Variants in GPATCH2 observed in about 807,000 individuals in gnomAD.
The protein encoded by GPATCH2 is G patch domain-containing protein 2.
GPATCH2 carries 51 observed loss-of-function variants against 58.0 expected under a neutral mutation model. That is an observed-to-expected ratio of 0.88 (90% CI 0.70 to 1.11). The LOEUF (loss-of-function observed/expected upper bound fraction) is 1.11. GPATCH2 is among the 50% of genes most tolerant of loss of function. GPATCH2 has a pLI of 0.00. For synonymous variants in GPATCH2, 222 were observed against 218.5 expected (o/e 1.02, Z -0.14); for missense variants, 625 against 652.2 (o/e 0.96, Z 0.45).
At chr1:217,604,402 G>A (rs764869613) in intron 5 of GPATCH2, among the ~76,000 whole-genome samples, 7 of 151,074 alleles carry the variant, frequency 4.6e-5, no homozygotes, top group Non-Finnish European at 7.4e-5. Flanking sequence ...AACTGATTTT[G>A]AAATAAGATA....
chr1:217,503,323 G>A (rs1662394772), intron 6 of GPATCH2, among the ~76,000 whole-genome samples: 1 of 152,100 alleles, frequency 6.6e-6, no homozygotes, highest in African/African-American at 2.4e-5. Context: ...TATCATGGTA[G>A]GATGGAGCAG....
At chr1:217,475,592 A>T (rs1189850680) in intron 8 of GPATCH2, among the ~76,000 whole-genome samples, 3 of 152,156 alleles carry the variant, frequency 2.0e-5, no homozygotes, top group Admixed American at 6.5e-5. Flanking sequence ...TACTACATAA[A>T]AGAAAAGTGT....
chr1:217,604,754 G>A (rs1668276266), intron 5 of GPATCH2, among the ~76,000 whole-genome samples: 1 of 152,154 alleles, frequency 6.6e-6, no homozygotes, highest in Non-Finnish European at 1.5e-5. Flanking sequence ...GGCCTAGTGT[G>A]ATGGATCATG....
At chr1:217,496,388 C>G (rs1662007788) in intron 7 of GPATCH2, among the ~76,000 whole-genome samples, 2 of 152,168 alleles carry the variant, frequency 1.3e-5, no homozygotes, top group South Asian at 4.1e-4. Context: ...GTTTCAAGCT[C>G]TCATAGTATA....
rs539257472 is a variant in GPATCH2, at chr1:217,530,473, A to T, written c.1099-15584T>A. 1.4e-4 allele frequency among the ~76,000 whole-genome samples: 22 copies of T among 152,316 alleles called. No homozygotes were observed. In the South Asian group the frequency reaches 4.6e-3, roughly 32 times the overall value. ...ACAGTCTAATGCAAAGTACAATCTC[A>T]ATAATAAGATGACAATAAATGTTAC... On this transcript the variant is annotated intron_variant, in intron 5 of 9. Coordinates refer to ENST00000366935, the MANE Select transcript of GPATCH2 (RefSeq NM_018040.5).
At chr1:217,615,110 T>C (rs1478844113) in intron 2 of GPATCH2, among the ~76,000 whole-genome samples, 1 of 152,058 alleles carries the variant, frequency 6.6e-6, no homozygotes, top group African/African-American at 2.4e-5. Context: ...AAATACTTTT[T>C]CCATTAATAT....
chr1:217,468,558 CACACAGAG>C (rs1291594303), intron 8 of GPATCH2, among the ~76,000 whole-genome samples: 24 of 110,594 alleles, frequency 2.2e-4, no homozygotes, highest in Non-Finnish European at 2.4e-4. Flanking sequence ...CACACACACA[CACACAGAG>C]AGAAAGAGAA....
At chr1:217,607,847 T>C (rs184164289) in intron 5 of GPATCH2, among the ~76,000 whole-genome samples, 7 of 152,350 alleles carry the variant, frequency 4.6e-5, no homozygotes, top group Admixed American at 4.6e-4. Flanking sequence ...TCAAAGATAC[T>C]ACATCATTAT....
chr1:217,459,223 C>G (rs1004180388), intron 8 of GPATCH2, among the ~76,000 whole-genome samples: 5 of 152,134 alleles, frequency 3.3e-5, no homozygotes, highest in Non-Finnish European at 1.5e-5. Context: ...CTAAACTAAA[C>G]AGAAGGGTAA....
intron 5 of GPATCH2, among the ~76,000 whole-genome samples, chr1:217,557,337 G>A (rs1373082346): frequency 1.3e-5 from 2 of 150,814 alleles, no homozygotes; most frequent in Non-Finnish European, 2.9e-5. Flanking sequence ...AACCCAGGAG[G>A]TGGAGGTTGC....
chr1:217,527,290 G>C (rs1285357618), intron 5 of GPATCH2, among the ~76,000 whole-genome samples: 1 of 152,098 alleles, frequency 6.6e-6, no homozygotes, highest in Non-Finnish European at 1.5e-5. Context: ...GAAAGCACTG[G>C]TTTATAAAGT....
At chr1:217,517,447 GAACAA>G (rs1375625984) in intron 5 of GPATCH2, among the ~76,000 whole-genome samples, 2 of 151,908 alleles carry the variant, frequency 1.3e-5, no homozygotes, top group African/African-American at 4.8e-5. Flanking sequence ...TAAAATTTGA[GAACAA>G]TATATTTAAT....
Position 217,463,641 on chromosome 1 carries a change from CAAAAAAAAA to C in GPATCH2, c.1278-14313_1278-14305del, listed in dbSNP as rs201402598. On this transcript the variant is annotated intron_variant, in intron 8 of 9. Coordinates refer to ENST00000366935, the MANE Select transcript of GPATCH2 (RefSeq NM_018040.5). ...GCAACATAGCAAGAACTTATCACTC[CAAAAAAAAA>C]AAAAAAAAAAAAAAAAAAAAAAAAG... 5.3e-3 allele frequency among the ~76,000 whole-genome samples: 434 copies of C among 82,342 alleles called. 1 individual carries two copies. Among genetic ancestry groups the C allele is most frequent in the African/African-American group, 0.027 (405 of 14,768 alleles). 54.0% of individuals were successfully genotyped at this position (82,342 alleles called of 152,430 possible). A position where few individuals can be genotyped will look rare whatever the true frequency, so the allele number is the denominator to read the frequency against.
chr1:217,428,070 A>C lies in GPATCH2; in HGVS notation c.*3075T>G, dbSNP rs1658393977. On this transcript the variant is annotated 3_prime_UTR_variant, in exon 10 of 10. Transcript: ENST00000366935. ...AAAAATAAAAGTAACCAAATTAAAT[A>C]GTGTATTCGGGGAGCAGAAAAGAAG... 1 of 152,196 alleles carries C rather than the reference A, an allele frequency of 6.6e-6. No individual in the cohort carries two copies. The highest frequency in any genetic ancestry group is 2.1e-4 in the South Asian group (1 of 4,834). 9.4% of individuals were successfully genotyped at this position (152,196 alleles called of 1,614,324 possible). A position where few individuals can be genotyped will look rare whatever the true frequency, so the allele number is the denominator to read the frequency against.
Position 217,597,317 on chromosome 1 carries a change from G to A in GPATCH2, c.1098+13004C>T, listed in dbSNP as rs138755828. ...TACGGGAACTACTGCACTATAGCCT[G>A]GGCAACAGAGTGAGACTCTTGTCTC... On this transcript the variant is annotated intron_variant, in intron 5 of 9. Coordinates refer to ENST00000366935, the MANE Select transcript of GPATCH2 (RefSeq NM_018040.5). 5.5e-3 allele frequency among the ~76,000 whole-genome samples: 832 copies of A among 151,850 alleles called. 9 individuals are homozygous for A. The highest frequency in any genetic ancestry group is 0.015 in the South Asian group (73 of 4,802).
chr1:217,533,438 C>T (rs1196807309), intron 5 of GPATCH2, among the ~76,000 whole-genome samples: 3 of 152,110 alleles, frequency 2.0e-5, no homozygotes, highest in East Asian at 3.9e-4. Context: ...AATATCTTAG[C>T]GTTATGAAAA....
At chr1:217,609,377 G>A (rs866019177) in intron 5 of GPATCH2, 3 of 983,550 alleles carry the variant, frequency 3.1e-6, no homozygotes, top group East Asian at 2.3e-4. Flanking sequence ...GTTTCATTAA[G>A]CTCTAAACCA....
intron 8 of GPATCH2, among the ~76,000 whole-genome samples, chr1:217,483,242 T>C (rs1003124110): frequency 7.9e-5 from 12 of 152,218 alleles, no homozygotes; most frequent in African/African-American, 2.7e-4. Flanking sequence ...TAGAGTGCAG[T>C]GGTACAATCT....
chr1:217,555,019 A>G (rs750755868), intron 5 of GPATCH2, among the ~76,000 whole-genome samples: 10 of 152,148 alleles, frequency 6.6e-5, no homozygotes, highest in Non-Finnish European at 1.0e-4. Context: ...ATCACTCATC[A>G]GTTTGCTCAG....
Sources: allele counts gnomAD v4.1 joint callset (sites outside exome capture counted in the v4.1 genomes callset), GRCh38; gene constraint gnomAD v4.1.1; transcripts MANE v1.5; gene names NCBI Gene and HGNC (gene_info 2026-07-23, HGNC 2026-07-21).